MOGAT1: variants seen among roughly 807,000 people sequenced by gnomAD.
MOGAT1 encodes 2-acylglycerol O-acyltransferase 1.
In MOGAT1, 32 loss-of-function variants were observed where a neutral mutation model predicts 31.4. The ratio of observed to expected loss-of-function variants is 1.02; its 90% confidence interval spans 0.77 to 1.37. MOGAT1 has a LOEUF of 1.37. MOGAT1 is among the 40% of genes most tolerant of loss of function. The pLI is 0.00. For synonymous variants in MOGAT1, 145 were observed against 144.5 expected (o/e 1.00, Z -0.03); for missense variants, 426 against 402.0 (o/e 1.06, Z -0.51).
At chr2:222,704,070 G>A (rs1031115312) in intron 5 of MOGAT1, among the ~76,000 whole-genome samples, 1 of 152,174 alleles carries the variant, frequency 6.6e-6, no homozygotes. Flanking sequence ...GCTATAAAAA[G>A]CAGTGAAACA....
In MOGAT1 at chr2:222,694,487, CTG is replaced by C; in HGVS notation, c.606_607del (p.Phe203HisfsTer9). On this transcript the variant is annotated frameshift_variant, in exon 4 of 6. Transcript: ENST00000446656. LOFTEE classifies it high-confidence loss of function. ...GGATGCTCATCCTGGAAAGTTCACTCTGTTCATCCGCCAGCGGAAAGGATTTG... is the reference window on the plus strand; with the variant it reads ...GGATGCTCATCCTGGAAAGTTCACTCTTCATCCGCCAGCGGAAAGGATTTG... ...SLDAHPGKFT[L>X]FIRQRKGFVK... 6.2e-7 allele frequency: 1 copy of C among 1,613,914 alleles called. No homozygotes were observed. Among genetic ancestry groups the C allele is most frequent in the Non-Finnish European group, 8.5e-7 (1 of 1,179,854 alleles).
Position 222,685,598 on chromosome 2 carries a change from C to CTT in MOGAT1, c.95-2727_95-2726dup, listed in dbSNP as rs574124301. Among the ~76,000 whole-genome samples the CTT allele has an allele frequency of 6.4e-3, 763 of 119,962 alleles. 16 individuals carry two copies. The highest frequency in any genetic ancestry group is 0.018 in the African/African-American group (572 of 30,930). 78.7% of individuals were successfully genotyped at this position (119,962 alleles called of 152,430 possible). On this transcript the variant is annotated intron_variant, in intron 1 of 5. Coordinates refer to ENST00000446656, the MANE Select transcript of MOGAT1 (RefSeq NM_058165.3). ...GTTTTTATAGTGTTTTCTTCTTCTT[C>CTT]TTTTTTTTTTTTTTTTTTTTGAGAG...
At chr2:222,704,198 T>A (rs1172796267) in intron 5 of MOGAT1, among the ~76,000 whole-genome samples, 1 of 152,194 alleles carries the variant, frequency 6.6e-6, no homozygotes, top group Non-Finnish European at 1.5e-5. Flanking sequence ...CCCCCTTTGT[T>A]TTGTAAAAAG....
At chr2:222,700,819 A>G (rs1003381187) in intron 5 of MOGAT1, among the ~76,000 whole-genome samples, 8 of 152,190 alleles carry the variant, frequency 5.3e-5, no homozygotes, top group African/African-American at 9.6e-5. Flanking sequence ...GTTCATTTCT[A>G]TTTTAAATCA....
At chr2:222,672,457 T>A (rs1189381445) in intron 1 of MOGAT1, among the ~76,000 whole-genome samples, 1 of 152,224 alleles carries the variant, frequency 6.6e-6, no homozygotes, top group African/African-American at 2.4e-5. Flanking sequence ...GGAAATAGTT[T>A]GACTCAGTAG....
At chr2:222,707,332 A>AG (rs1693017918) in intron 5 of MOGAT1, among the ~76,000 whole-genome samples, 2 of 142,766 alleles carry the variant, frequency 1.4e-5, no homozygotes, top group South Asian at 4.6e-4. Context: ...GGAGAAAGAA[A>AG]GAAAAAGAAA....
chr2:222,701,324 GAGAGAT>G (rs879339762), intron 5 of MOGAT1, among the ~76,000 whole-genome samples: 12,086 of 142,810 alleles, frequency 0.085, 632 homozygotes, highest in Non-Finnish European at 0.12. Context: ...GAGAGAGAGA[GAGAGAT>G]AAAAGGAATT....
intron 5 of MOGAT1, among the ~76,000 whole-genome samples, chr2:222,706,172 T>C (rs945218434): frequency 6.6e-6 from 1 of 152,210 alleles, no homozygotes; most frequent in Non-Finnish European, 1.5e-5. Flanking sequence ...ATAAGTCTTA[T>C]GATTATAAAT....
intron 5 of MOGAT1, among the ~76,000 whole-genome samples, chr2:222,707,158 G>A (rs930466068): frequency 1.3e-5 from 2 of 151,618 alleles, no homozygotes; most frequent in African/African-American, 4.8e-5. Context: ...CACCATTACA[G>A]TCTAGCATGG....
chr2:222,700,312 A>G (rs758365165), intron 5 of MOGAT1, among the ~76,000 whole-genome samples: 1 of 152,232 alleles, frequency 6.6e-6, no homozygotes, highest in Non-Finnish European at 1.5e-5. Flanking sequence ...ACAAATAATC[A>G]TCAGTCAAGG....
chr2:222,689,753 T>G (rs559297224), intron 3 of MOGAT1, among the ~76,000 whole-genome samples: 1 of 152,324 alleles, frequency 6.6e-6, no homozygotes, highest in African/African-American at 2.4e-5. Flanking sequence ...TCAAATAAAG[T>G]AATGAATGCA....
intron 1 of MOGAT1, among the ~76,000 whole-genome samples, chr2:222,679,429 C>CA (rs1417327657): frequency 2.0e-5 from 3 of 152,196 alleles, no homozygotes; most frequent in East Asian, 3.9e-4. Context: ...ATTTCCACAC[C>CA]AAAAAACCCT....
chr2:222,673,118 G>T (rs972915415), intron 1 of MOGAT1, among the ~76,000 whole-genome samples: 1 of 151,456 alleles, frequency 6.6e-6, no homozygotes, highest in Non-Finnish European at 1.5e-5. Flanking sequence ...TCTCCATGTT[G>T]GTCAGGGTGG....
chr2:222,693,319 C>T (rs1020793870), intron 3 of MOGAT1, among the ~76,000 whole-genome samples: 1 of 151,964 alleles, frequency 6.6e-6, no homozygotes, highest in African/African-American at 2.4e-5. Context: ...GTTATTTTTA[C>T]ATGGGAAAGC....
At chr2:222,708,513 A>T (rs1467979816) in intron 5 of MOGAT1, among the ~76,000 whole-genome samples, 1 of 152,224 alleles carries the variant, frequency 6.6e-6, no homozygotes, top group African/African-American at 2.4e-5. Flanking sequence ...GATGTTATAT[A>T]AACACCTTTT....
intron 3 of MOGAT1, among the ~76,000 whole-genome samples, chr2:222,690,676 G>C (rs1282146603): frequency 1.3e-5 from 2 of 152,174 alleles, no homozygotes; most frequent in African/African-American, 4.8e-5. Context: ...TAAGCACCCA[G>C]GTACCAGAAT....
intron 1 of MOGAT1, among the ~76,000 whole-genome samples, chr2:222,685,962 A>C (rs1299723889): frequency 6.6e-6 from 1 of 152,158 alleles, no homozygotes; most frequent in Non-Finnish European, 1.5e-5. Context: ...GCATGTATTC[A>C]GGTAGCCGGG....
intron 5 of MOGAT1, among the ~76,000 whole-genome samples, chr2:222,698,211 C>T (rs143263281): frequency 2.0e-5 from 3 of 152,328 alleles, no homozygotes; most frequent in African/African-American, 7.2e-5. Flanking sequence ...GCTAACTTCT[C>T]ATGGACTAGT....
At chr2:222,709,610 A>G in intron 5 of MOGAT1, 126 bp from the exon 6 acceptor site, 1 of 767,472 alleles carries the variant, frequency 1.3e-6, no homozygotes, top group African/African-American at 1.7e-5. Context: ...AAAGGAAACA[A>G]GGATTGGAGT....
Sources: gnomAD v4.1 joint callset for allele counts (sites outside exome capture counted in the v4.1 genomes callset) on GRCh38, gnomAD v4.1.1 for gene constraint, MANE v1.5 for transcripts, NCBI Gene and HGNC (gene_info 2026-07-23, HGNC 2026-07-21) for gene names.